KCNH1: variants seen among roughly 807,000 people sequenced by gnomAD.
The protein encoded by KCNH1 is potassium voltage-gated channel subfamily H member 1, also known as voltage-gated delayed rectifier potassium channel KCNH1.
A neutral mutation model predicts 69.2 loss-of-function variants in KCNH1; 27 were observed. The observed-to-expected ratio is 0.39, with a 90% CI of 0.29 to 0.54. The LOEUF is 0.54. Among genes scored for constraint, KCNH1 ranks in the 20% least tolerant of loss-of-function variants. The probability of loss-of-function intolerance (pLI) is 0.68; values close to 1 mark genes in which losing one functional copy is unlikely to be tolerated. For synonymous variants in KCNH1, 456 were observed against 487.7 expected (o/e 0.93, Z 0.86); for missense variants, 798 against 1,261.6 (o/e 0.63, Z 5.57).
At chr1:210,847,862 T>C (rs1685595365) in intron 7 of KCNH1, among the ~76,000 whole-genome samples, 1 of 152,096 alleles carries the variant, frequency 6.6e-6, no homozygotes, top group South Asian at 2.1e-4. Flanking sequence ...TGACCAAAAT[T>C]ACCATGAGCA....
At chr1:210,773,467 C>T (rs1346106600) in intron 10 of KCNH1, among the ~76,000 whole-genome samples, 1 of 152,188 alleles carries the variant, frequency 6.6e-6, no homozygotes, top group Admixed American at 6.5e-5. Context: ...GGTCTCTGTG[C>T]AGGGACCCAC....
intron 5 of KCNH1, among the ~76,000 whole-genome samples, chr1:211,067,785 C>T (rs995150881): frequency 2.0e-5 from 3 of 152,118 alleles, no homozygotes; most frequent in African/African-American, 7.2e-5. Flanking sequence ...AGGAATTGCC[C>T]CAAATGAGAA....
chr1:210,732,897 A>G (rs1427323044), intron 10 of KCNH1, among the ~76,000 whole-genome samples: 1 of 152,214 alleles, frequency 6.6e-6, no homozygotes, highest in Non-Finnish European at 1.5e-5. Context: ...AGTTTTCAAC[A>G]TATGAATTTG....
rs189350754 is a variant in KCNH1 at position 210,848,995 on chromosome 1, C to T, written c.1463-44829G>A. Among the ~76,000 whole-genome samples, 4 of 152,064 alleles carry T rather than the reference C, an allele frequency of 2.6e-5. No homozygotes were observed. In the East Asian group the frequency reaches 5.8e-4, roughly 22 times the overall value. The stretch of plus-strand genomic sequence containing the variant: ...TACAATTCAAGGCAAAGTAAAATAA[C>T]TTTAAGAGAAAAAAAGATTAAGTAG... On this transcript the variant is annotated intron_variant, in intron 7 of 10. Coordinates refer to ENST00000271751, the MANE Select transcript of KCNH1 (RefSeq NM_172362.3).
intron 6 of KCNH1, among the ~76,000 whole-genome samples, chr1:211,017,513 G>T (rs1159341828): frequency 6.6e-6 from 1 of 152,136 alleles, no homozygotes; most frequent in Non-Finnish European, 1.5e-5. Context: ...GCTGAACAAG[G>T]CTGGAGACTT....
At chr1:211,003,717 G>A (rs777370497) in intron 6 of KCNH1, among the ~76,000 whole-genome samples, 5 of 152,112 alleles carry the variant, frequency 3.3e-5, no homozygotes, top group Non-Finnish European at 4.4e-5. Flanking sequence ...GAATTCCTAC[G>A]ATGGACAACA....
chr1:210,988,059 T>A (rs1207712431), intron 6 of KCNH1, among the ~76,000 whole-genome samples: 1 of 152,190 alleles, frequency 6.6e-6, no homozygotes, highest in Non-Finnish European at 1.5e-5. Context: ...AGTGAGATTC[T>A]GTGGGTGTAG....
chr1:210,797,862 C>T lies in KCNH1; in HGVS notation c.1663-102G>A, dbSNP rs1574262542. The T allele has an allele frequency of 9.1e-6, 12 of 1,324,078 alleles. No individual in the cohort carries two copies. The East Asian group carries it at 2.6e-4, about 29-fold the overall frequency. 82.0% of individuals were successfully genotyped at this position (1,324,078 alleles called of 1,614,324 possible). On this transcript the variant is annotated intron_variant, in intron 8 of 10. Coordinates refer to ENST00000271751, the MANE Select transcript of KCNH1 (RefSeq NM_172362.3). Reference sequence around the variant, plus strand: ...GAGGAGCAACATCCACTACGCCAGACTGCACTCTTCTAACCAAAGTCCCTG... The same window carrying T: ...GAGGAGCAACATCCACTACGCCAGATTGCACTCTTCTAACCAAAGTCCCTG...
chr1:210,775,593 G>T, intron 9 of KCNH1, 49 bp from the exon 10 acceptor site: 1 of 1,462,788 alleles, frequency 6.8e-7, no homozygotes, highest in Non-Finnish European at 9.5e-7. Context: ...GGAGAGGTCT[G>T]CCCATCCAGC....
intron 3 of KCNH1, among the ~76,000 whole-genome samples, chr1:211,099,389 G>A (rs1691217386): frequency 6.6e-6 from 1 of 151,990 alleles, no homozygotes; most frequent in South Asian, 2.1e-4. Context: ...TATACTTCAA[G>A]ATAGTGATAT....
chr1:211,096,066 T>TATTC (rs1691145169), intron 3 of KCNH1, among the ~76,000 whole-genome samples: 1 of 151,944 alleles, frequency 6.6e-6, no homozygotes, highest in African/African-American at 2.4e-5. Flanking sequence ...TTTATTTATT[T>TATTC]ATTTATTTAT....
chr1:210,730,732 G>A (rs1040154917), intron 10 of KCNH1, among the ~76,000 whole-genome samples: 3 of 152,134 alleles, frequency 2.0e-5, no homozygotes, highest in Non-Finnish European at 2.9e-5. Flanking sequence ...CTGGCCCTAC[G>A]GAAAAGCTCT....
intron 9 of KCNH1, among the ~76,000 whole-genome samples, chr1:210,786,212 T>C (rs1684098234): frequency 6.6e-6 from 1 of 152,208 alleles, no homozygotes; most frequent in African/African-American, 2.4e-5. Flanking sequence ...AAAGGACACT[T>C]TGTAGTTCTC....
rs569738921 is a variant in KCNH1 at position 211,111,808 on chromosome 1, C to T, written c.80-4431G>A. Among the ~76,000 whole-genome samples the T allele has an allele frequency of 2.1e-4, 26 of 121,554 alleles. No individual in the cohort carries two copies. The South Asian group carries it at 7.9e-3, about 37-fold the overall frequency. The allele number at this position is 121,554 out of a possible 152,430, so 79.7% of individuals were successfully genotyped here. ...GAGTGCCTCTGCCTGGCTACTGCAC[C>T]GTCTAGGAAGTGAGGTGCCCCTCTG... On this transcript the variant is annotated intron_variant, in intron 1 of 10. Coordinates refer to ENST00000271751, the MANE Select transcript of KCNH1 (RefSeq NM_172362.3).
At chr1:210,886,056 C>T (rs187350180) in intron 7 of KCNH1, among the ~76,000 whole-genome samples, 90 of 152,370 alleles carry the variant, frequency 5.9e-4, no homozygotes, top group African/African-American at 2.1e-3. Flanking sequence ...AAGGGACAGA[C>T]TGCCTACTCA....
intron 10 of KCNH1, among the ~76,000 whole-genome samples, chr1:210,717,208 A>G (rs941293099): frequency 1.1e-4 from 16 of 152,298 alleles, no homozygotes; most frequent in African/African-American, 3.6e-4. Context: ...GCCCTCAGCT[A>G]GAGCCTGGGG....
chr1:210,864,875 T>C (rs981739604), intron 7 of KCNH1, among the ~76,000 whole-genome samples: 2 of 152,222 alleles, frequency 1.3e-5, no homozygotes, highest in African/African-American at 4.8e-5. Context: ...TAACTGGTGG[T>C]TGACCCATGC....
intron 10 of KCNH1, among the ~76,000 whole-genome samples, chr1:210,763,407 C>A (rs1237438137): frequency 6.6e-6 from 1 of 151,934 alleles, no homozygotes. Context: ...TAAAGGGCAT[C>A]CAAACAGGAA....
intron 10 of KCNH1, among the ~76,000 whole-genome samples, chr1:210,711,380 T>C (rs992423903): frequency 3.3e-5 from 5 of 152,224 alleles, no homozygotes; most frequent in African/African-American, 1.2e-4. Flanking sequence ...CTCTAAATTG[T>C]ACTCCCATTC....
Sources: allele counts gnomAD v4.1 joint callset (sites outside exome capture counted in the v4.1 genomes callset), GRCh38; gene constraint gnomAD v4.1.1; transcripts MANE v1.5; gene names NCBI Gene and HGNC (gene_info 2026-07-23, HGNC 2026-07-21).